Variants in KIF1B observed in about 807,000 individuals in gnomAD.
The protein encoded by KIF1B is kinesin-like protein KIF1B.
Under a neutral mutation model 241.9 loss-of-function variants are expected in KIF1B, and 76 were observed. The observed-to-expected ratio is 0.31, with a 90% CI of 0.26 to 0.38. The LOEUF (loss-of-function observed/expected upper bound fraction) is 0.38. KIF1B is among the 10% of genes least tolerant of loss of function. KIF1B has a pLI of 1.00. For missense variants in KIF1B, 1,622 were observed against 2,271.4 expected (o/e 0.71, Z 5.81); for synonymous variants, 750 against 796.7 (o/e 0.94, Z 0.99).
intron 38 of KIF1B, among the ~76,000 whole-genome samples, chr1:10,355,723 T>C (rs1017482071): frequency 6.6e-6 from 1 of 152,204 alleles, no homozygotes; most frequent in African/African-American, 2.4e-5. Flanking sequence ...TTTTCCTCTT[T>C]ATCTGTCTTC....
intron 2 of KIF1B, among the ~76,000 whole-genome samples, chr1:10,245,783 C>G (rs1327947143): frequency 6.6e-6 from 1 of 152,034 alleles, no homozygotes; most frequent in Non-Finnish European, 1.5e-5. Flanking sequence ...TCTAGAGAGT[C>G]CTGTAAGTGG....
intron 1 of KIF1B, among the ~76,000 whole-genome samples, chr1:10,225,349 G>A (rs1646896404): frequency 6.6e-6 from 1 of 152,230 alleles, no homozygotes; most frequent in Non-Finnish European, 1.5e-5. Context: ...GCCGGGCATG[G>A]TGGTGCACCC....
Position 10,256,323 on chromosome 1 carries a change from A to G in KIF1B, c.183A>G (p.Ser61=), listed in dbSNP as rs756935623. 6.3e-7 allele frequency: 1 copy of G among 1,599,758 alleles called. No homozygotes were observed. The highest frequency in any genetic ancestry group is 8.6e-7 in the Non-Finnish European group (1 of 1,166,946). ...ACTATTCCTACTGGTCTCATACCTC[A>G]GTGAGTACCCTCATGCCACAGCACT... The part of the protein sequence containing the change: ...SFDYSYWSHT[S]PEDPCFASQN... The change falls in exon 3 of 49, where the codon TCA becomes TCG. Residue 61 remains serine (S), a splice_region_variant and synonymous_variant. Coordinates refer to ENST00000676179, the MANE Select transcript of KIF1B (RefSeq NM_001365951.3).
In KIF1B at chr1:10,252,660, C is replaced by T. The variant is rs149086581; in HGVS notation, c.107-3587C>T. Among the ~76,000 whole-genome samples the T allele has an allele frequency of 4.6e-3, 704 of 152,054 alleles. 3 individuals are homozygous for T. Among genetic ancestry groups the T allele is most frequent in the African/African-American group, 0.016 (649 of 41,460 alleles). On this transcript the variant is annotated intron_variant, in intron 2 of 48. Coordinates refer to ENST00000676179, the MANE Select transcript of KIF1B (RefSeq NM_001365951.3). ...TTCCTGTACTCCAGCGATCCTCCTG[C>T]CTGAGCTTCCCAAAGTGCTGGGATT...
At chr1:10,362,835 C>T (rs1345536858) in intron 40 of KIF1B, among the ~76,000 whole-genome samples, 1 of 152,072 alleles carries the variant, frequency 6.6e-6, no homozygotes. Context: ...CTTTTTGATG[C>T]CAAGGTGGAA....
At chr1:10,287,116 T>C (rs1649752443) in intron 15 of KIF1B, among the ~76,000 whole-genome samples, 1 of 152,250 alleles carries the variant, frequency 6.6e-6, no homozygotes, top group African/African-American at 2.4e-5. Context: ...TAGGGTGAAC[T>C]GTTTCATAGA....
intron 22 of KIF1B, among the ~76,000 whole-genome samples, chr1:10,301,844 T>G (rs530008159): frequency 2.6e-5 from 4 of 152,222 alleles, no homozygotes; most frequent in South Asian, 2.1e-4. Flanking sequence ...TTATCAAGAT[T>G]TGCTTGTATT....
At chr1:10,307,792 G>A in intron 22 of KIF1B, 1 of 1,038,292 alleles carries the variant, frequency 9.6e-7, no homozygotes, top group Non-Finnish European at 1.2e-6. Flanking sequence ...GGAATATAGA[G>A]GAGTCCTAAT....
At chr1:10,311,628 T>G (rs1651070006) in intron 22 of KIF1B, among the ~76,000 whole-genome samples, 1 of 151,482 alleles carries the variant, frequency 6.6e-6, no homozygotes, top group South Asian at 2.1e-4. Flanking sequence ...AAGCTCTTCT[T>G]GATGATAGAT....
chr1:10,298,606 T>C (rs1650382787), intron 22 of KIF1B, among the ~76,000 whole-genome samples: 1 of 152,198 alleles, frequency 6.6e-6, no homozygotes, highest in South Asian at 2.1e-4. Context: ...TTGAAAGGTT[T>C]GTGACACAAG....
intron 3 of KIF1B, among the ~76,000 whole-genome samples, chr1:10,257,984 A>G (rs1164277940): frequency 6.6e-6 from 1 of 152,186 alleles, no homozygotes; most frequent in Non-Finnish European, 1.5e-5. Flanking sequence ...GCCCTGGGGA[A>G]TCGATGTTTT....
At chr1:10,294,392 A>G (rs767863070) in intron 17 of KIF1B, among the ~76,000 whole-genome samples, 2 of 152,006 alleles carry the variant, frequency 1.3e-5, no homozygotes, top group African/African-American at 4.8e-5. Context: ...GATAAAAATT[A>G]TAGTGGGAAG....
Position 10,303,700 on chromosome 1 carries a change from A to G in KIF1B, c.2115+6454A>G, listed in dbSNP as rs767146859. ...GCAAGAAGTCAAAAAGCAAAATAAC[A>G]TGAAAGACGAGGAGATAAAAGTCTT... is the stretch of plus-strand genomic sequence containing the variant. On this transcript the variant is annotated intron_variant, in intron 22 of 48. Transcript: ENST00000676179. The surrounding 1 kb of genome is among the most constrained non-coding windows in gnomAD (Gnocchi z 5.2). 6.2e-7 allele frequency: 1 copy of G among 1,614,252 alleles called. No individual in the cohort carries two copies. The highest frequency in any genetic ancestry group is 8.5e-7 in the Non-Finnish European group (1 of 1,180,032).
At chr1:10,328,109 G>A (rs1458655303) in intron 27 of KIF1B, among the ~76,000 whole-genome samples, 1 of 152,182 alleles carries the variant, frequency 6.6e-6, no homozygotes, top group Non-Finnish European at 1.5e-5. Flanking sequence ...AGGATAATTT[G>A]AGCCCAAGAG....
At chr1:10,259,153 CTT>C (rs572251659) in intron 4 of KIF1B, among the ~76,000 whole-genome samples, 22 of 131,822 alleles carry the variant, frequency 1.7e-4, no homozygotes, top group Admixed American at 2.3e-4. Context: ...GATTCTCCCT[CTT>C]TTTTTTTTTT....
chr1:10,270,642 A>G (rs1197418506), intron 7 of KIF1B, among the ~76,000 whole-genome samples: 2 of 152,174 alleles, frequency 1.3e-5, no homozygotes, highest in African/African-American at 4.8e-5. Context: ...AGAAATGTCA[A>G]GGCTGGGCAC....
chr1:10,297,165 T>A lies in KIF1B; in HGVS notation c.2043-9T>A, dbSNP rs758467596. The A allele has an allele frequency of 6.3e-7, 1 of 1,599,036 alleles. No individual in the cohort carries two copies. Among genetic ancestry groups the A allele is most frequent in the South Asian group, 1.1e-5 (1 of 90,626 alleles). On this transcript the variant is annotated splice_polypyrimidine_tract_variant and intron_variant, in intron 21 of 48. Coordinates refer to ENST00000676179, the MANE Select transcript of KIF1B (RefSeq NM_001365951.3). ...ATTCTTGAATTTTTTTTTTTTTTTT[T>A]ACTTCTAGGCTACAGGAAATGGAGA...
At position 10,210,943 on chromosome 1, in the gene KIF1B, G is replaced by T. The variant is rs1040136951; in HGVS notation, c.-80+65G>T. 1 of 151,686 alleles carries T rather than the reference G, an allele frequency of 6.6e-6. No individual in the cohort carries two copies. The highest frequency in any genetic ancestry group is 1.5e-5 in the Non-Finnish European group (1 of 67,884). 9.4% of individuals were successfully genotyped at this position (151,686 alleles called of 1,614,324 possible). A position where few individuals can be genotyped will look rare whatever the true frequency, so the allele number is the denominator to read the frequency against. On this transcript the variant is annotated intron_variant, in intron 1 of 48. Transcript: ENST00000676179. The surrounding 1 kb of genome is among the most constrained non-coding windows in gnomAD (Gnocchi z 4.1). ...CGGGGTTGGGGAGGGGGCCGCTTCCGCGGGGAGGAGCGGCCGGGCCGGGGT... is the reference window on the plus strand; with the variant it reads ...CGGGGTTGGGGAGGGGGCCGCTTCCTCGGGGAGGAGCGGCCGGGCCGGGGT...
rs61778374 is a variant in KIF1B, at chr1:10,332,939, G to A, written c.2925-1581G>A. ...CGATTCTCCTGCTACAGCCTCTTGA[G>A]TAGCTAGGACAACAGGTGCATGCCA... On this transcript the variant is annotated intron_variant, in intron 27 of 48. Coordinates refer to ENST00000676179, the MANE Select transcript of KIF1B (RefSeq NM_001365951.3). 7.9e-3 allele frequency among the ~76,000 whole-genome samples: 1,199 copies of A among 151,608 alleles called. 14 individuals carry two copies. Among genetic ancestry groups the A allele is most frequent in the African/African-American group, 0.027 (1,112 of 41,354 alleles).
Sources: allele counts gnomAD v4.1 joint callset (sites outside exome capture counted in the v4.1 genomes callset), GRCh38; gene constraint gnomAD v4.1.1; non-coding constraint Gnocchi (gnomAD v3.1); transcripts MANE v1.5; gene names NCBI Gene and HGNC (gene_info 2026-07-23, HGNC 2026-07-21).